Variants in RPS2 observed in about 807,000 individuals in gnomAD.
RPS2 encodes the protein ribosomal protein S2, also known as small ribosomal subunit protein uS5.
A neutral mutation model predicts 25.3 loss-of-function variants in RPS2; 8 were observed. That is an observed-to-expected ratio of 0.32 (90% CI 0.19 to 0.57). RPS2 has a LOEUF of 0.57. Ranked by LOEUF, RPS2 falls within the 20% of genes least tolerant of loss-of-function variation. The pLI, the probability that RPS2 is intolerant of heterozygous loss-of-function variation, is 0.90. For synonymous variants in RPS2, 181 were observed against 161.3 expected, an observed-to-expected ratio of 1.12 and a Z score of -0.92; for missense variants, 229 against 408.1, an observed-to-expected ratio of 0.56 and a Z score of 3.78.
chr16:1,964,663 G>A, intron 1 of RPS2, 35 bp from the exon 2 acceptor site: 1 of 1,144,196 alleles, frequency 8.7e-7, no homozygotes. Context: ...TAGTCAGTGT[G>A]GCCTACGCAT....
At position 1,963,069 on chromosome 16, in the gene RPS2, G is replaced by A. The variant is rs551830000; in HGVS notation, c.375+80C>T. Reference sequence around the variant, plus strand: ...TCTCTCCCCGTTACGAAAGTCACACGGGTGAAGCCAAGTGCAACTATGCAG... The same window carrying A: ...TCTCTCCCCGTTACGAAAGTCACACAGGTGAAGCCAAGTGCAACTATGCAG... On this transcript the variant is annotated intron_variant, in intron 4 of 6. Transcript: ENST00000343262. 112 of 1,385,082 alleles carry A rather than the reference G, an allele frequency of 8.1e-5. No individual in the cohort carries two copies. In the East Asian group the frequency reaches 1.5e-3, roughly 19 times the overall value. 85.8% of individuals were successfully genotyped at this position (1,385,082 alleles called of 1,614,324 possible).
chr16:1,962,645 G>C lies in RPS2; in HGVS notation c.561C>G (p.Arg187=), dbSNP rs535652307. 1 of 1,601,702 alleles carries C rather than the reference G, an allele frequency of 6.2e-7. No homozygotes were observed. The highest frequency in any genetic ancestry group is 1.1e-5 in the South Asian group (1 of 89,996). Residue 187 remains arginine (R), a synonymous_variant, in exon 6 of 7, where the codon CGC becomes CGG. Coordinates refer to ENST00000343262, the MANE Select transcript of RPS2 (RefSeq NM_002952.4). ...TGAGGCGTACCAGCACAGAGCCGCAGCGGCCTGTCACCTGGTGAGGGAAGG... is the reference window on the plus strand; with the variant it reads ...TGAGGCGTACCAGCACAGAGCCGCACCGGCCTGTCACCTGGTGAGGGAAGG... ...PHTVPCKVTG[R]CGSVLVRLIP...
chr16:1,964,020 TCAG>T, intron 3 of RPS2: 1 of 522,426 alleles, frequency 1.9e-6, no homozygotes, highest in Non-Finnish European at 3.5e-6. Context: ...TGCTTCTCTT[TCAG>T]TTCTTTCGAA....
intron 4 of RPS2, 47 bp from the exon 5 acceptor site, chr16:1,962,956 A>G (rs1224710056): frequency 6.3e-7 from 1 of 1,586,046 alleles, no homozygotes; most frequent in Non-Finnish European, 8.6e-7. Context: ...ACACCCAATC[A>G]CTGCCCACCG....
rs200964690 is a variant in RPS2, at chr16:1,962,659, G to T, written c.550-3C>A. The T allele has an allele frequency of 1.3e-6, 2 of 1,595,150 alleles. No individual in the cohort carries two copies. Among genetic ancestry groups the T allele is most frequent in the Non-Finnish European group, 8.5e-7 (1 of 1,171,842 alleles). ...ACAGAGCCGCAGCGGCCTGTCACCT[G>T]GTGAGGGAAGGAGTCAGGAGACGGG... is the stretch of plus-strand genomic sequence containing the variant. On this transcript the variant is annotated splice_polypyrimidine_tract_variant and splice_region_variant and intron_variant, in intron 5 of 6. Transcript: ENST00000343262.
rs1459214228 is a variant in RPS2 at position 1,962,275 on chromosome 16, A to C, written c.710-5T>G. On this transcript the variant is annotated splice_region_variant and splice_polypyrimidine_tract_variant and intron_variant, in intron 6 of 6. Coordinates refer to ENST00000343262, the MANE Select transcript of RPS2 (RefSeq NM_002952.4). ...TGGCATCAAAGGTGGCCTTGGCTGC[A>C]AAACAAAAGAACCCCAGGAGGGTCA... 1 of 1,612,774 alleles carries C rather than the reference A, an allele frequency of 6.2e-7. No individual in the cohort carries two copies. The highest frequency in any genetic ancestry group is 8.5e-7 in the Non-Finnish European group (1 of 1,179,120).
chr16:1,962,463 G>A (rs1354017083), intron 6 of RPS2, 34 bp downstream of exon 6: 1 of 1,596,658 alleles, frequency 6.3e-7, no homozygotes, highest in African/African-American at 1.3e-5. Flanking sequence ...GGAGCTGAGA[G>A]ACCATGGCTA....
Position 1,964,461 on chromosome 16 carries a change from G to C in RPS2, c.165C>G (p.Ala55=), listed in dbSNP as rs1451951146. 2 of 1,610,804 alleles carry C rather than the reference G, an allele frequency of 1.2e-6. No homozygotes were observed. Among genetic ancestry groups the C allele is most frequent in the Non-Finnish European group, 1.7e-6 (2 of 1,179,374 alleles). The change falls in exon 2 of 7, where the codon GCC becomes GCG. Residue 55 remains alanine (A), a synonymous_variant. Coordinates refer to ENST00000343262, the MANE Select transcript of RPS2 (RefSeq NM_002952.4). ...GGCTGATACCTACCTCCTTATCCTCGGCCTTGCCTCCGCGAGCTCCGCGGC... is the reference window on the plus strand; with the variant it reads ...GGCTGATACCTACCTCCTTATCCTCCGCCTTGCCTCCGCGAGCTCCGCGGC... ...GRGRGARGGK[A]EDKEWMPVTK...
chr16:1,962,372 C>A, intron 6 of RPS2, 102 bp from the exon 7 acceptor site: 1 of 1,370,702 alleles, frequency 7.3e-7, no homozygotes, highest in Non-Finnish European at 1.0e-6. Context: ...CCATTCTGGG[C>A]GGGTCTGTCG....
At position 1,962,514 on chromosome 16, in the gene RPS2, G is replaced by A. The variant is rs780411000; in HGVS notation, c.692C>T (p.Ala231Val). The change falls in exon 6 of 7, where the codon GCC (alanine) becomes GTC (valine). Residue 231 changes from alanine (A) to valine (V), a missense_variant. Ala to Val is a moderately conservative substitution (Grantham distance 64, BLOSUM62 0). Around this residue, in one of 7 missense-constraint regions of RPS2, gnomAD observed 79 missense variants for 159.0 expected, o/e 0.50. Transcript: ENST00000343262. ...DCYTSARGCT[A>V]TLGNFAKATF... Reference sequence around the variant, plus strand: ...CCACCTACCGAAGTTGCCCAGGGTGGCAGTGCAGCCCCGGGCTGAGGTGTA... The same window carrying A: ...CCACCTACCGAAGTTGCCCAGGGTGACAGTGCAGCCCCGGGCTGAGGTGTA... The A allele has an allele frequency of 3.7e-6, 6 of 1,612,340 alleles. No individual in the cohort carries two copies. The highest frequency in any genetic ancestry group is 5.1e-6 in the Non-Finnish European group (6 of 1,179,684).
Position 1,962,879 on chromosome 16 carries a change from G to A in RPS2, c.406C>T (p.His136Tyr). The change falls in exon 5 of 7, where the codon CAC (histidine) becomes TAC (tyrosine). Residue 136 changes from histidine to tyrosine, a missense_variant. Physicochemically the swap from His to Tyr is moderately conservative, Grantham distance 83 (BLOSUM62 2). Around this residue, in one of 7 missense-constraint regions of RPS2, gnomAD observed 15 missense variants for 18.4 expected, o/e 0.81. Transcript: ENST00000343262. ...AFVAIGDYNG[H>Y]VGLGVKCSKE... ...GAGCACTTAACACCCAGACCGACGTGGCCATTGTAGTCCCCGATAGCAACA... is the reference window on the plus strand; with the variant it reads ...GAGCACTTAACACCCAGACCGACGTAGCCATTGTAGTCCCCGATAGCAACA... 6.2e-7 allele frequency: 1 copy of A among 1,602,394 alleles called. No individual in the cohort carries two copies. The highest frequency in any genetic ancestry group is 8.5e-7 in the Non-Finnish European group (1 of 1,179,694).
intron 4 of RPS2, 22 bp downstream of exon 4, chr16:1,963,125 GCC>G: frequency 6.4e-7 from 1 of 1,570,598 alleles, no homozygotes; most frequent in East Asian, 2.2e-5. Context: ...GCCCAGCGCA[GCC>G]CCCTCCAGGA....
chr16:1,962,380 T>G, intron 6 of RPS2, 110 bp from the exon 7 acceptor site: 2 of 1,383,412 alleles, frequency 1.4e-6, no homozygotes, highest in African/African-American at 1.4e-5. Context: ...GGCGGGTCTG[T>G]CGTGCATTAG....
chr16:1,963,704 T>C, intron 3 of RPS2: 1 of 423,220 alleles, frequency 2.4e-6, no homozygotes, highest in Non-Finnish European at 4.8e-6. Context: ...AGCTTGTATG[T>C]AAGGTTACCC....
At chr16:1,964,234 C>A in intron 3 of RPS2, 42 bp downstream of exon 3, 1 of 1,463,206 alleles carries the variant, frequency 6.8e-7, no homozygotes, top group Non-Finnish European at 9.6e-7. Flanking sequence ...CCAAATGACT[C>A]CGGGGTCGCA....
intron 6 of RPS2, 105 bp from the exon 7 acceptor site, chr16:1,962,375 G>T: frequency 7.3e-7 from 1 of 1,375,604 alleles, no homozygotes; most frequent in Non-Finnish European, 1.0e-6. Context: ...TTCTGGGCGG[G>T]TCTGTCGTGC....
chr16:1,963,893 C>G (rs1210867752), intron 3 of RPS2: 1 of 415,726 alleles, frequency 2.4e-6, no homozygotes, highest in Non-Finnish European at 4.8e-6. Context: ...CCACTGCACC[C>G]GCTGGATGCA....
chr16:1,963,592 C>A, intron 3 of RPS2: 1 of 350,746 alleles, frequency 2.9e-6, no homozygotes, highest in South Asian at 2.2e-5. Flanking sequence ...GGCGATAGGG[C>A]GAAACTGTGT....
At chr16:1,964,130 C>A in intron 3 of RPS2, 146 bp downstream of exon 3, 1 of 667,124 alleles carries the variant, frequency 1.5e-6, no homozygotes, top group Admixed American at 2.6e-5. Context: ...GAATCCTCTC[C>A]TCAGCCAGCC....
Sources: allele counts gnomAD v4.1 joint callset, GRCh38; gene constraint gnomAD v4.1.1; regional missense constraint gnomAD v4.1.1; transcripts MANE v1.5; gene names NCBI Gene and HGNC (gene_info 2026-07-23, HGNC 2026-07-21).